Variants in EPHA6 observed in about 807,000 individuals in gnomAD.
EPHA6 encodes ephrin type-A receptor 6.
A neutral mutation model predicts 112.0 loss-of-function variants in EPHA6; 50 were observed. The ratio of observed to expected loss-of-function variants is 0.45; its 90% CI spans 0.36 to 0.56. The LOEUF (loss-of-function observed/expected upper bound fraction) is 0.56, where lower values mean the gene tolerates loss of function less well. Ranked by LOEUF, EPHA6 falls within the 20% of genes least tolerant of loss-of-function variation. The pLI is 0.00. For synonymous variants in EPHA6, 529 were observed against 490.7 expected (o/e 1.08, Z -1.03); for missense variants, 1,280 against 1,417.4 (o/e 0.90, Z 1.56).
chr3:97,433,616 C>A (rs1577390443), intron 6 of EPHA6, among the ~76,000 whole-genome samples: 3 of 152,220 alleles, frequency 2.0e-5, no homozygotes, highest in Non-Finnish European at 4.4e-5. Flanking sequence ...TAGGATGTAC[C>A]TTGCAGGGAA....
At chr3:96,870,772 C>T (rs941038245) in intron 2 of EPHA6, among the ~76,000 whole-genome samples, 1 of 151,940 alleles carries the variant, frequency 6.6e-6, no homozygotes, top group Non-Finnish European at 1.5e-5. Flanking sequence ...TTAATCGGAG[C>T]CCATCATTTC....
chr3:97,401,661 TG>T (rs1157283381), intron 5 of EPHA6, among the ~76,000 whole-genome samples: 1 of 151,782 alleles, frequency 6.6e-6, no homozygotes, highest in African/African-American at 2.4e-5. Context: ...ATCTCCATTT[TG>T]TTTATTTCTG....
chr3:97,088,161 C>T (rs868513825), intron 3 of EPHA6, among the ~76,000 whole-genome samples: 4 of 152,010 alleles, frequency 2.6e-5, no homozygotes, highest in Admixed American at 1.3e-4. Flanking sequence ...AGCCTGGTGA[C>T]AGAGCAAGAC....
intron 3 of EPHA6, among the ~76,000 whole-genome samples, chr3:96,997,803 G>A (rs531333453): frequency 1.3e-5 from 2 of 152,086 alleles, no homozygotes; most frequent in East Asian, 3.9e-4. Context: ...GTGATATGGA[G>A]ACATAAAATG....
chr3:97,090,896 A>G (rs1165499887), intron 3 of EPHA6, among the ~76,000 whole-genome samples: 1 of 152,138 alleles, frequency 6.6e-6, no homozygotes, highest in Non-Finnish European at 1.5e-5. Flanking sequence ...ATGTACCTTT[A>G]GAACCAAGAA....
At chr3:96,815,032 G>T in intron 1 of EPHA6, 24 bp downstream of exon 1, 1 of 1,481,256 alleles carries the variant, frequency 6.8e-7, no homozygotes, top group African/African-American at 1.4e-5. Flanking sequence ...CGGAGGAGCG[G>T]GAGTGGGTGG....
At chr3:96,963,017 AGTGGCAT>A (rs2042000462) in intron 2 of EPHA6, among the ~76,000 whole-genome samples, 1 of 151,860 alleles carries the variant, frequency 6.6e-6, no homozygotes, top group Non-Finnish European at 1.5e-5. Context: ...AGCTGGGCAT[AGTGGCAT>A]GTGCCTGTAG....
chr3:97,012,581 A>T (rs1285973854), intron 3 of EPHA6, among the ~76,000 whole-genome samples: 1 of 129,808 alleles, frequency 7.7e-6, no homozygotes, highest in Non-Finnish European at 1.5e-5. Flanking sequence ...CATAAAATTT[A>T]TATATGTGTG....
At chr3:97,645,683 A>ATTCTTTG (rs2094054502) in intron 14 of EPHA6, among the ~76,000 whole-genome samples, 1 of 152,084 alleles carries the variant, frequency 6.6e-6, no homozygotes. Flanking sequence ...AAAGAAAAGG[A>ATTCTTTG]TTCTTTGTTT....
chr3:97,617,475 A>G (rs1442260438), intron 13 of EPHA6, among the ~76,000 whole-genome samples: 3 of 152,168 alleles, frequency 2.0e-5, no homozygotes, highest in Non-Finnish European at 4.4e-5. Flanking sequence ...TAAAAGATAA[A>G]AAAATGGCAA....
At chr3:97,111,036 A>G (rs1052280888) in intron 3 of EPHA6, among the ~76,000 whole-genome samples, 1 of 152,116 alleles carries the variant, frequency 6.6e-6, no homozygotes, top group South Asian at 2.1e-4. Flanking sequence ...GGCTTTAGGA[A>G]AAGGTTTAAA....
chr3:97,474,984 T>C (rs2091328078), intron 7 of EPHA6, among the ~76,000 whole-genome samples: 1 of 152,106 alleles, frequency 6.6e-6, no homozygotes, highest in African/African-American at 2.4e-5. Context: ...GCCTGGTCTA[T>C]TGGCCAGTGT....
chr3:97,611,096 A>T (rs1013521332), intron 13 of EPHA6, among the ~76,000 whole-genome samples: 6 of 151,644 alleles, frequency 4.0e-5, no homozygotes, highest in Non-Finnish European at 8.9e-5. Flanking sequence ...ATGTGTGTGT[A>T]TATATATGTG....
chr3:97,606,656 C>G (rs2093682207), intron 12 of EPHA6, among the ~76,000 whole-genome samples: 1 of 151,268 alleles, frequency 6.6e-6, no homozygotes, highest in South Asian at 2.1e-4. Context: ...AAGAAGAAAA[C>G]AGTTCTTTAA....
chr3:97,293,978 C>G (rs775986194), intron 5 of EPHA6, among the ~76,000 whole-genome samples: 8 of 152,234 alleles, frequency 5.3e-5, no homozygotes, highest in African/African-American at 9.6e-5. Context: ...ACCACCCCAG[C>G]TGGGGCACAA....
chr3:97,376,006 A>C (rs1156324067), intron 5 of EPHA6, among the ~76,000 whole-genome samples: 1 of 152,186 alleles, frequency 6.6e-6, no homozygotes, highest in Non-Finnish European at 1.5e-5. Context: ...GATTTCACAG[A>C]TGAAAACCTT....
At chr3:96,861,725 A>C (rs2036018167) in intron 1 of EPHA6, among the ~76,000 whole-genome samples, 1 of 152,008 alleles carries the variant, frequency 6.6e-6, no homozygotes. Flanking sequence ...AAAAACCACA[A>C]AAAATAAGAA....
intron 10 of EPHA6, among the ~76,000 whole-genome samples, chr3:97,532,063 A>T (rs1235136242): frequency 6.6e-6 from 1 of 152,098 alleles, no homozygotes; most frequent in Non-Finnish European, 1.5e-5. Flanking sequence ...TTTCTATAGA[A>T]TTACATTAGC....
chr3:97,724,279 A>G (rs1029869402), intron 15 of EPHA6, among the ~76,000 whole-genome samples: 1 of 152,206 alleles, frequency 6.6e-6, no homozygotes, highest in Non-Finnish European at 1.5e-5. Context: ...AGTGAATAAT[A>G]TAATGAGTTT....
Sources: allele counts gnomAD v4.1 joint callset (sites outside exome capture counted in the v4.1 genomes callset), GRCh38; gene constraint gnomAD v4.1.1; transcripts MANE v1.5; gene names NCBI Gene and HGNC (gene_info 2026-07-23, HGNC 2026-07-21).